TEAD1: variants seen among roughly 807,000 people sequenced by gnomAD.
TEAD1 encodes the protein transcriptional enhancer factor TEF-1.
A neutral mutation model predicts 54.9 loss-of-function variants in TEAD1; 9 were observed. The observed-to-expected ratio is 0.16, with a 90% CI of 0.10 to 0.29. The LOEUF (loss-of-function observed/expected upper bound fraction) is 0.29, where lower values mean the gene tolerates loss of function less well. TEAD1 is among the 10% of genes least tolerant of loss of function. The pLI, the probability that TEAD1 is intolerant of heterozygous loss-of-function variation, is 1.00. For missense variants in TEAD1, 387 were observed against 535.9 expected, an observed-to-expected ratio of 0.72 and a Z score of 2.74; for synonymous variants, 200 against 187.8, an observed-to-expected ratio of 1.07 and a Z score of -0.53.
intron 2 of TEAD1, among the ~76,000 whole-genome samples, chr11:12,752,505 T>C (rs1944896042): frequency 6.6e-6 from 1 of 152,230 alleles, no homozygotes; most frequent in Non-Finnish European, 1.5e-5. Flanking sequence ...GAACTTGGTA[T>C]GAACGGACGC....
chr11:12,764,300 C>T lies in TEAD1; in HGVS notation c.68C>T (p.Ala23Val), dbSNP rs1945159157. 6.2e-7 allele frequency: 1 copy of T among 1,614,208 alleles called. No individual in the cohort carries two copies. Among genetic ancestry groups the T allele is most frequent in the Non-Finnish European group, 8.5e-7 (1 of 1,180,026 alleles). The change falls in exon 3 of 13, where the codon GCA becomes GTA. Residue 23 changes from alanine (A) to valine (V), a missense_variant. Transcript: ENST00000527636. ...AACATGGAAAGGATGAGTGACTCTG[C>T]AGATAAGCCAATTGACAATGATGCA...
At chr11:12,855,480 G>A (rs1221879484) in intron 3 of TEAD1, among the ~76,000 whole-genome samples, 2 of 151,716 alleles carry the variant, frequency 1.3e-5, no homozygotes, top group Admixed American at 1.3e-4. Flanking sequence ...AGTAGAGATG[G>A]GGTTTCACCA....
chr11:12,929,161 G>A (rs991737712), intron 11 of TEAD1, among the ~76,000 whole-genome samples: 2 of 92,018 alleles, frequency 2.2e-5, no homozygotes, highest in South Asian at 3.6e-4. Context: ...TCTTTGCTTT[G>A]CCGTGTGTGT....
intron 11 of TEAD1, among the ~76,000 whole-genome samples, chr11:12,926,692 A>G (rs1393195662): frequency 2.0e-5 from 3 of 152,166 alleles, no homozygotes; most frequent in Non-Finnish European, 4.4e-5. Context: ...GGGCACAGGA[A>G]TAAGGATTAA....
intron 2 of TEAD1, among the ~76,000 whole-genome samples, chr11:12,701,671 A>G (rs1036091697): frequency 6.6e-6 from 1 of 152,240 alleles, no homozygotes; most frequent in South Asian, 2.1e-4. Context: ...ACTGCAGGCT[A>G]GTGGGAAAAG....
chr11:12,819,416 ATG>A (rs142706778), intron 3 of TEAD1, among the ~76,000 whole-genome samples: 2 of 151,694 alleles, frequency 1.3e-5, no homozygotes, highest in African/African-American at 4.8e-5. Flanking sequence ...ATGCACTTGT[ATG>A]TGTGTGTGTG....
intron 2 of TEAD1, among the ~76,000 whole-genome samples, chr11:12,697,301 A>AT (rs1441340471): frequency 3.9e-5 from 6 of 152,202 alleles, no homozygotes; most frequent in African/African-American, 1.4e-4. Flanking sequence ...AAATCAGAGG[A>AT]TTTTATTAGC....
intron 3 of TEAD1, among the ~76,000 whole-genome samples, chr11:12,857,584 G>GTGTGTGTGTGTGTGTGTGTGTGTA (rs1221803465): frequency 4.0e-5 from 6 of 150,724 alleles, no homozygotes; most frequent in African/African-American, 1.5e-4. Context: ...GTCTCTGTGT[G>GTGTGTGTGTGTGTGTGTGTGTGTA]TGTGTGTGTG....
At chr11:12,675,342 T>C (rs1317142621) in intron 1 of TEAD1, 67 bp from the exon 2 acceptor site, 2 of 152,158 alleles carry the variant, frequency 1.3e-5, no homozygotes, top group Non-Finnish European at 2.9e-5. Flanking sequence ...CTTGTGCCGC[T>C]GGCGGGGGGT....
chr11:12,814,777 CTGTGTGTG>C (rs397842274), intron 3 of TEAD1, among the ~76,000 whole-genome samples: 2,337 of 105,864 alleles, frequency 0.022, 42 homozygotes, highest in African/African-American at 0.031. Context: ...TCGCAGAGCT[CTGTGTGTG>C]TGTGTGTGTG....
At chr11:12,905,900 T>C (rs1042486865) in intron 10 of TEAD1, among the ~76,000 whole-genome samples, 2 of 152,184 alleles carry the variant, frequency 1.3e-5, no homozygotes, top group Non-Finnish European at 2.9e-5. Context: ...TATGGAAGAA[T>C]ACTATGTGTT....
At chr11:12,741,268 T>C (rs1419697438) in intron 2 of TEAD1, among the ~76,000 whole-genome samples, 2 of 152,172 alleles carry the variant, frequency 1.3e-5, no homozygotes, top group African/African-American at 4.8e-5. Context: ...ATTCTCTTCT[T>C]CATCATATTA....
intron 3 of TEAD1, among the ~76,000 whole-genome samples, chr11:12,817,357 G>A (rs1237476854): frequency 6.6e-6 from 1 of 152,208 alleles, no homozygotes; most frequent in Non-Finnish European, 1.5e-5. Flanking sequence ...CAGCATTTGA[G>A]ATTTTCCTGC....
At chr11:12,817,166 T>C (rs975281876) in intron 3 of TEAD1, among the ~76,000 whole-genome samples, 4 of 152,204 alleles carry the variant, frequency 2.6e-5, no homozygotes, top group Non-Finnish European at 4.4e-5. Flanking sequence ...CACGCTGATA[T>C]TATTATCTCA....
intron 3 of TEAD1, among the ~76,000 whole-genome samples, chr11:12,843,747 TATTTC>T (rs1276157205): frequency 1.3e-5 from 2 of 152,258 alleles, no homozygotes; most frequent in African/African-American, 4.8e-5. Context: ...ATGTATGGAA[TATTTC>T]ATTGTTGATG....
chr11:12,768,248 T>A (rs1945247028), intron 3 of TEAD1, among the ~76,000 whole-genome samples: 1 of 152,226 alleles, frequency 6.6e-6, no homozygotes, highest in South Asian at 2.1e-4. Flanking sequence ...TCTGTCTCAA[T>A]TTCCTCAACT....
chr11:12,817,159 G>A (rs905142965), intron 3 of TEAD1, among the ~76,000 whole-genome samples: 1 of 152,130 alleles, frequency 6.6e-6, no homozygotes, highest in Non-Finnish European at 1.5e-5. Flanking sequence ...ATTCTGCCAC[G>A]CTGATATTAT....
At chr11:12,880,285 CA>C (rs554033822) in intron 6 of TEAD1, among the ~76,000 whole-genome samples, 72 of 152,280 alleles carry the variant, frequency 4.7e-4, no homozygotes, top group African/African-American at 1.6e-3. Flanking sequence ...TGACACCTAC[CA>C]AAGGCTGAGA....
intron 3 of TEAD1, among the ~76,000 whole-genome samples, chr11:12,778,310 T>C (rs900831039): frequency 1.3e-5 from 2 of 152,114 alleles, no homozygotes; most frequent in Non-Finnish European, 2.9e-5. Context: ...GAAGAGAGTT[T>C]TGGTTCCAGG....
Sources: allele counts gnomAD v4.1 joint callset (sites outside exome capture counted in the v4.1 genomes callset), GRCh38; gene constraint gnomAD v4.1.1; transcripts MANE v1.5; gene names NCBI Gene and HGNC (gene_info 2026-07-23, HGNC 2026-07-21).